GRIN3A: variants seen among roughly 807,000 people sequenced by gnomAD.
GRIN3A encodes glutamate ionotropic receptor NMDA type subunit 3A, also known as glutamate receptor ionotropic, NMDA 3A.
In GRIN3A, 47 loss-of-function variants were observed where a neutral mutation model predicts 92.4. The ratio of observed to expected loss-of-function variants is 0.51; its 90% CI spans 0.40 to 0.65. The LOEUF (loss-of-function observed/expected upper bound fraction) is 0.65, where lower values mean the gene tolerates loss of function less well. Ranked by LOEUF, GRIN3A falls within the 30% of genes least tolerant of loss-of-function variation. The pLI is 0.00. For synonymous variants in GRIN3A, 527 were observed against 540.6 expected (o/e 0.97, Z 0.35); for missense variants, 1,324 against 1,393.1 (o/e 0.95, Z 0.79).
chr9:101,737,751 G>T lies in GRIN3A; in HGVS notation c.229C>A (p.Gln77Lys). 6.5e-7 allele frequency: 1 copy of T among 1,529,574 alleles called. No individual in the cohort carries two copies. Among genetic ancestry groups the T allele is most frequent in the Non-Finnish European group, 8.7e-7 (1 of 1,144,100 alleles). The allele number at this position is 1,529,574 out of a possible 1,614,324, so 94.8% of individuals were successfully genotyped here. A position where few individuals can be genotyped will look rare whatever the true frequency, so the allele number is the denominator to read the frequency against. Reference sequence around the variant, plus strand: ...GTCCCTGGCTCCGGCTCATCCCTCTGGGCTCCTGCTCGGCTGTCGTCCGGA... The same window carrying T: ...GTCCCTGGCTCCGGCTCATCCCTCTTGGCTCCTGCTCGGCTGTCGTCCGGA... ...RAPDDSRAGA[Q>K]RDEPEPGTRR... The change falls in exon 1 of 9, where the codon CAG becomes AAG. Residue 77 changes from glutamine to lysine, a missense_variant. Transcript: ENST00000361820.
chr9:101,610,622 T>A (rs1828352186), intron 6 of GRIN3A, among the ~76,000 whole-genome samples: 2 of 147,494 alleles, frequency 1.4e-5, no homozygotes, highest in South Asian at 4.4e-4. Context: ...TCTATCTATC[T>A]ATCATCTATC....
intron 2 of GRIN3A, among the ~76,000 whole-genome samples, chr9:101,682,802 G>A (rs1564143351): frequency 6.6e-6 from 1 of 152,192 alleles, no homozygotes; most frequent in East Asian, 1.9e-4. Flanking sequence ...CTAACACGGT[G>A]AAACCCCGTC....
intron 6 of GRIN3A, among the ~76,000 whole-genome samples, chr9:101,588,891 T>G (rs1341240322): frequency 1.3e-5 from 2 of 152,104 alleles, no homozygotes; most frequent in African/African-American, 4.8e-5. Flanking sequence ...ACTCCCAAAC[T>G]GTGGTTGTTT....
intron 3 of GRIN3A, among the ~76,000 whole-genome samples, chr9:101,639,270 T>A (rs1828822716): frequency 6.6e-6 from 1 of 152,162 alleles, no homozygotes. Flanking sequence ...AGATGTGATT[T>A]CACTGTAATT....
intron 3 of GRIN3A, among the ~76,000 whole-genome samples, chr9:101,642,273 T>C (rs916563038): frequency 1.3e-5 from 2 of 152,154 alleles, no homozygotes; most frequent in African/African-American, 4.8e-5. Flanking sequence ...TGAATATCCA[T>C]ATGTAAGTGA....
At chr9:101,693,247 ATATATAT>A in intron 1 of GRIN3A, among the ~76,000 whole-genome samples, 1 of 6,286 alleles carries the variant, frequency 1.6e-4, no homozygotes, top group South Asian at 4.5e-3. Context: ...CAGCTAAAAT[ATATATAT>A]ATATATATAT....
At chr9:101,617,289 G>T (rs933594514) in intron 5 of GRIN3A, among the ~76,000 whole-genome samples, 4 of 150,882 alleles carry the variant, frequency 2.7e-5, no homozygotes, top group Non-Finnish European at 5.9e-5. Context: ...ATCTTGAATT[G>T]GTTCTTGATT....
intron 1 of GRIN3A, among the ~76,000 whole-genome samples, chr9:101,723,361 T>C (rs1830038399): frequency 6.6e-6 from 1 of 151,936 alleles, no homozygotes; most frequent in Non-Finnish European, 1.5e-5. Context: ...CTGGAGTTGT[T>C]CGTTCCTCCC....
At chr9:101,712,708 C>A (rs917903548) in intron 1 of GRIN3A, among the ~76,000 whole-genome samples, 34 of 152,078 alleles carry the variant, frequency 2.2e-4, no homozygotes, top group African/African-American at 7.7e-4. Flanking sequence ...CAGCTTATTG[C>A]TAGAACAGAA....
chr9:101,687,054 A>G lies in GRIN3A; in HGVS notation c.846T>C (p.Leu282=). The part of the protein sequence containing the change: ...EDWNITDFLL[L]TQNNSKFHLG... ...GGTGGAACTTGGAATTATTCTGGGT[A>G]AGGAGGAGGAAGTCGGTGATGTTCC... Residue 282 remains leucine (L), a synonymous_variant, in exon 2 of 9, where the codon CTT becomes CTC. Transcript: ENST00000361820. 1 of 1,614,096 alleles carries G rather than the reference A, an allele frequency of 6.2e-7. No individual in the cohort carries two copies. The highest frequency in any genetic ancestry group is 8.5e-7 in the Non-Finnish European group (1 of 1,179,990).
intron 3 of GRIN3A, among the ~76,000 whole-genome samples, chr9:101,646,942 AAG>A (rs1318793770): frequency 2.0e-5 from 3 of 151,822 alleles, no homozygotes; most frequent in Non-Finnish European, 4.4e-5. Flanking sequence ...ATCTGTGAAA[AAG>A]GATAATTTGA....
intron 2 of GRIN3A, among the ~76,000 whole-genome samples, chr9:101,676,296 C>T (rs1372990323): frequency 1.3e-5 from 2 of 151,234 alleles, no homozygotes; most frequent in African/African-American, 2.4e-5. Flanking sequence ...TTTAAATTGC[C>T]CTATTACCTT....
chr9:101,704,608 G>A (rs1829791096), intron 1 of GRIN3A, among the ~76,000 whole-genome samples: 1 of 152,102 alleles, frequency 6.6e-6, no homozygotes, highest in African/African-American at 2.4e-5. Context: ...GCCATGCTGG[G>A]CAACAGCAGT....
intron 3 of GRIN3A, among the ~76,000 whole-genome samples, chr9:101,664,821 G>A (rs149104432): frequency 0.015 from 2,266 of 151,904 alleles, 27 homozygotes; most frequent in Non-Finnish European, 0.024. Flanking sequence ...TAAATATATA[G>A]CCAGCATTCT....
chr9:101,613,119 A>G lies in GRIN3A; in HGVS notation c.2766+257T>C, dbSNP rs576874708. ...GCATTTCTTCTGCACTTGTGGATAG[A>G]GGTTATGGGGAAAAGTAGAAATTTA... On this transcript the variant is annotated intron_variant, in intron 6 of 8. Coordinates refer to ENST00000361820, the MANE Select transcript of GRIN3A (RefSeq NM_133445.3). 3.3e-5 allele frequency among the ~76,000 whole-genome samples: 5 copies of G among 152,322 alleles called. No individual in the cohort carries two copies. In the East Asian group the frequency reaches 9.6e-4, roughly 29 times the overall value.
At chr9:101,631,939 C>T (rs965136503) in intron 3 of GRIN3A, among the ~76,000 whole-genome samples, 21 of 152,106 alleles carry the variant, frequency 1.4e-4, no homozygotes, top group African/African-American at 5.1e-4. Flanking sequence ...TGATCATGTC[C>T]CTCACTTGCT....
At chr9:101,734,663 A>C (rs1397989206) in intron 1 of GRIN3A, among the ~76,000 whole-genome samples, 1 of 151,954 alleles carries the variant, frequency 6.6e-6, no homozygotes, top group African/African-American at 2.4e-5. Context: ...TTGTGGCAGG[A>C]TGTTACCAAA....
At chr9:101,667,519 TG>T (rs899565306) in intron 3 of GRIN3A, among the ~76,000 whole-genome samples, 1 of 152,086 alleles carries the variant, frequency 6.6e-6, no homozygotes, top group Non-Finnish European at 1.5e-5. Flanking sequence ...CTTCTCCTTT[TG>T]TTTATGTCTT....
At chr9:101,679,985 G>A (rs1829447904) in intron 2 of GRIN3A, among the ~76,000 whole-genome samples, 1 of 152,132 alleles carries the variant, frequency 6.6e-6, no homozygotes, top group Non-Finnish European at 1.5e-5. Context: ...AAAAGTAATA[G>A]GATCCCAATT....
Sources: allele counts gnomAD v4.1 joint callset (sites outside exome capture counted in the v4.1 genomes callset), GRCh38; gene constraint gnomAD v4.1.1; transcripts MANE v1.5; gene names NCBI Gene and HGNC (gene_info 2026-07-23, HGNC 2026-07-21).